Variants in THRB observed in about 807,000 individuals in gnomAD.
THRB encodes the protein thyroid hormone receptor beta, also known as nuclear receptor subfamily 1 group A member 2.
In THRB, 12 loss-of-function variants were observed where a neutral mutation model predicts 47.8. The observed-to-expected ratio is 0.25, with a 90% CI of 0.16 to 0.41. THRB has a LOEUF of 0.41. Ranked by LOEUF, THRB falls within the 10% of genes least tolerant of loss-of-function variation. THRB has a pLI of 1.00. For missense variants in THRB, 348 were observed against 589.2 expected (o/e 0.59, Z 4.24); for synonymous variants, 218 against 212.2 (o/e 1.03, Z -0.24).
intron 1 of THRB, among the ~76,000 whole-genome samples, chr3:24,445,227 C>T (rs1342491661): frequency 6.6e-6 from 1 of 151,666 alleles, no homozygotes; most frequent in Non-Finnish European, 1.5e-5. Context: ...CTATCTCATA[C>T]TATATGTTAA....
chr3:24,246,092 T>C (rs2050088416), intron 3 of THRB, among the ~76,000 whole-genome samples: 1 of 152,186 alleles, frequency 6.6e-6, no homozygotes, highest in Non-Finnish European at 1.5e-5. Context: ...GAAGATAGCA[T>C]GTCCCTTACG....
chr3:24,475,551 A>ATC (rs1560281648), intron 1 of THRB, among the ~76,000 whole-genome samples: 164 of 152,322 alleles, frequency 1.1e-3, no homozygotes, highest in African/African-American at 3.8e-3. Flanking sequence ...AGATAGATAT[A>ATC]GATAGATATA....
intron 3 of THRB, among the ~76,000 whole-genome samples, chr3:24,236,984 T>A (rs889459813): frequency 1.3e-5 from 2 of 152,194 alleles, no homozygotes; most frequent in Non-Finnish European, 2.9e-5. Flanking sequence ...CCACCTTTTG[T>A]ATTCAGTAAA....
At chr3:24,446,203 C>T (rs2072057124) in intron 1 of THRB, among the ~76,000 whole-genome samples, 1 of 152,146 alleles carries the variant, frequency 6.6e-6, no homozygotes, top group Non-Finnish European at 1.5e-5. Flanking sequence ...AGGAAGCCTT[C>T]GCCTTTTATG....
chr3:24,411,976 T>C (rs2150185099), intron 1 of THRB, among the ~76,000 whole-genome samples: 1 of 151,904 alleles, frequency 6.6e-6, no homozygotes, highest in African/African-American at 2.4e-5. Context: ...AATCAAGTTT[T>C]CAGGACGTTT....
At chr3:24,306,553 T>C (rs763357577) in intron 2 of THRB, among the ~76,000 whole-genome samples, 96 of 151,442 alleles carry the variant, frequency 6.3e-4, no homozygotes, top group Non-Finnish European at 1.0e-3. Flanking sequence ...TGCATGTATC[T>C]GGCTAAAATC....
intron 1 of THRB, among the ~76,000 whole-genome samples, chr3:24,400,220 C>A (rs903544671): frequency 5.3e-5 from 8 of 152,074 alleles, no homozygotes; most frequent in African/African-American, 1.2e-4. Context: ...AACTTCAATA[C>A]TGAGCTAGCC....
intron 1 of THRB, among the ~76,000 whole-genome samples, chr3:24,355,610 C>T (rs1031788290): frequency 1.3e-5 from 2 of 152,124 alleles, no homozygotes; most frequent in Non-Finnish European, 1.5e-5. Flanking sequence ...AGTAAGGTGG[C>T]TGACAGAGAC....
At chr3:24,457,034 C>T (rs1221778166) in intron 1 of THRB, among the ~76,000 whole-genome samples, 2 of 151,718 alleles carry the variant, frequency 1.3e-5, no homozygotes, top group African/African-American at 4.8e-5. Context: ...TTGGACTACA[C>T]AATATTTAGA....
At chr3:24,343,454 C>T (rs542964035) in intron 1 of THRB, among the ~76,000 whole-genome samples, 2 of 152,246 alleles carry the variant, frequency 1.3e-5, no homozygotes, top group East Asian at 3.9e-4. Flanking sequence ...TGAACCTGAA[C>T]AGAAACGAAA....
At chr3:24,399,470 A>C (rs2067234421) in intron 1 of THRB, among the ~76,000 whole-genome samples, 1 of 152,040 alleles carries the variant, frequency 6.6e-6, no homozygotes, top group Admixed American at 6.6e-5. Flanking sequence ...TTTAGGAATA[A>C]TGAGAATTGT....
rs371175625 is a variant in THRB at position 24,135,847 on chromosome 3, A to ATATT, written c.739-2386_739-2385insAATA. 4.2e-3 allele frequency among the ~76,000 whole-genome samples: 548 copies of ATATT among 130,980 alleles called. 11 individuals carry two copies. The highest frequency in any genetic ancestry group is 0.016 in the African/African-American group (502 of 31,086). 85.9% of individuals were successfully genotyped at this position (130,980 alleles called of 152,430 possible). A position where few individuals can be genotyped will look rare whatever the true frequency, so the allele number is the denominator to read the frequency against. ...TATATATATATATATATATATATAT[A>ATATT]ATACATAAATATATATTAATTACAT... On this transcript the variant is annotated intron_variant, in intron 8 of 10. Transcript: ENST00000646209.
rs191967610 is a variant in THRB at position 24,439,182 on chromosome 3, T to A, written c.-261+55470A>T. ...CCACGCATGAGGTAGATGAGGTAGA[T>A]GTCATTGTCTGGATGAGGTAGATGT... On this transcript the variant is annotated intron_variant, in intron 1 of 10. Transcript: ENST00000646209. 3.4e-3 allele frequency among the ~76,000 whole-genome samples: 523 copies of A among 152,188 alleles called. 8 individuals are homozygous for A. Among genetic ancestry groups the A allele is most frequent in the Non-Finnish European group, 3.4e-3 (230 of 68,006 alleles).
intron 1 of THRB, among the ~76,000 whole-genome samples, chr3:24,381,568 T>G (rs536410008): frequency 1.3e-5 from 2 of 152,286 alleles, no homozygotes; most frequent in Non-Finnish European, 2.9e-5. Context: ...AAAGCAAATG[T>G]TTCAAAACTC....
At chr3:24,198,421 A>G (rs543346951) in intron 4 of THRB, among the ~76,000 whole-genome samples, 1 of 150,470 alleles carries the variant, frequency 6.6e-6, no homozygotes, top group African/African-American at 2.4e-5. Flanking sequence ...CTTGTGCAGA[A>G]ATACAGTAAG....
intron 5 of THRB, among the ~76,000 whole-genome samples, chr3:24,168,467 C>T (rs1024879481): frequency 6.7e-5 from 9 of 133,448 alleles, no homozygotes; most frequent in Admixed American, 2.9e-4. Context: ...TTAATAATTC[C>T]GATTAGAAGT....
chr3:24,310,117 C>T (rs934937468), intron 2 of THRB, among the ~76,000 whole-genome samples: 1 of 152,116 alleles, frequency 6.6e-6, no homozygotes, highest in South Asian at 2.1e-4. Context: ...CAAAATGTTT[C>T]TCTGTGTGCT....
intron 3 of THRB, among the ~76,000 whole-genome samples, chr3:24,239,640 A>G (rs1301425030): frequency 6.6e-6 from 1 of 152,092 alleles, no homozygotes; most frequent in African/African-American, 2.4e-5. Flanking sequence ...GGGAGCTAGG[A>G]TGGGTAGGTC....
intron 4 of THRB, among the ~76,000 whole-genome samples, chr3:24,191,094 T>TCAATTTATAGGGACTTGA (rs2043276810): frequency 6.6e-6 from 1 of 151,752 alleles, no homozygotes; most frequent in South Asian, 2.1e-4. Flanking sequence ...TTTTTTCTAT[T>TCAATTTATAGGGACTTGA]CAATTTATAG....
Sources: gnomAD v4.1 joint callset for allele counts (sites outside exome capture counted in the v4.1 genomes callset) on GRCh38, gnomAD v4.1.1 for gene constraint, MANE v1.5 for transcripts, NCBI Gene and HGNC (gene_info 2026-07-23, HGNC 2026-07-21) for gene names.